The following MSANTD2 variants were observed in gnomAD, a reference collection of about 807,000 sequenced individuals.
MSANTD2 encodes myb/SANT-like DNA-binding domain-containing protein 2.
MSANTD2 carries 19 observed loss-of-function variants against 52.6 expected under a neutral mutation model. The observed-to-expected ratio is 0.36, with a 90% confidence interval of 0.25 to 0.53. MSANTD2 has a LOEUF of 0.53. MSANTD2 is among the 20% of genes least tolerant of loss of function. The probability of loss-of-function intolerance (pLI) is 0.91; values close to 1 mark genes in which losing one functional copy is unlikely to be tolerated. For missense variants in MSANTD2, 558 were observed against 716.3 expected (o/e 0.78, Z 2.52); for synonymous variants, 291 against 289.7 (o/e 1.00, Z -0.04).
intron 1 of MSANTD2, chr11:124,791,508 T>A: frequency 9.1e-7 from 1 of 1,100,356 alleles, no homozygotes; most frequent in Non-Finnish European, 1.4e-6. Context: ...GGGCAAGAGT[T>A]GGAGAAGGGA....
At chr11:124,795,648 T>C (rs952076129) in intron 1 of MSANTD2, among the ~76,000 whole-genome samples, 20 of 152,250 alleles carry the variant, frequency 1.3e-4, no homozygotes, top group African/African-American at 3.1e-4. Flanking sequence ...TTGGATTTTA[T>C]GCTCTTGGAC....
intron 1 of MSANTD2, among the ~76,000 whole-genome samples, chr11:124,782,451 T>C (rs1945014307): frequency 6.6e-6 from 1 of 151,992 alleles, no homozygotes; most frequent in East Asian, 1.9e-4. Flanking sequence ...GACCCCTGTC[T>C]CTAAAAAAAA....
At chr11:124,768,157 G>A (rs1944371553) in intron 3 of MSANTD2, 129 bp from the exon 4 acceptor site, 1 of 780,964 alleles carries the variant, frequency 1.3e-6, no homozygotes, top group African/African-American at 1.7e-5. Context: ...ATGAAATGTG[G>A]CTGAGGTATT....
In MSANTD2 at chr11:124,767,927, G is replaced by C; in HGVS notation, c.929C>G (p.Ser310Cys). 2 of 1,614,188 alleles carry C rather than the reference G, an allele frequency of 1.2e-6. No homozygotes were observed. The highest frequency in any genetic ancestry group is 1.7e-6 in the Non-Finnish European group (2 of 1,180,040). ...AATTCCAAAAATGGCCAGTTTATTA[G>C]AAAGATGGAGCCTTGAAAAGTCTGT... ...SWTDFSRLHL[S>C]NKLAIFGIGY... The change falls in exon 4 of 4, where the codon TCT becomes TGT. Residue 310 changes from serine to cysteine, a missense_variant. By Grantham distance (112) the Ser-to-Cys change is moderately radical. Transcript: ENST00000374979. This position sits in a 1 kb window ranked among gnomAD's most constrained non-coding sequence, Gnocchi z 6.5.
At chr11:124,770,067 A>C (rs1338590644) in intron 3 of MSANTD2, among the ~76,000 whole-genome samples, 2 of 152,212 alleles carry the variant, frequency 1.3e-5, no homozygotes, top group Non-Finnish European at 1.5e-5. Flanking sequence ...AATTCCTGAG[A>C]ACTGTCTGTT....
Position 124,800,022 on chromosome 11 carries a change from C to A in MSANTD2, c.359G>T (p.Arg120Leu). 1 of 1,583,026 alleles carries A rather than the reference C, an allele frequency of 6.3e-7. No homozygotes were observed. The change falls in exon 1 of 4, where the codon CGG becomes CTG. Residue 120 changes from arginine to leucine, a missense_variant. Physicochemically the swap from Arg to Leu is moderately radical, Grantham distance 102. Transcript: ENST00000374979. This position sits in a 1 kb window ranked among gnomAD's most constrained non-coding sequence, Gnocchi z 4.3. Reference sequence around the variant, plus strand: ...CTGCTGGTACCGCGCCTCCACCAGCCGCTCGTTGCCCCACACTGCGATGAG... The same window carrying A: ...CTGCTGGTACCGCGCCTCCACCAGCAGCTCGTTGCCCCACACTGCGATGAG... ...NALIAVWGNE[R>L]LVEARYQQLE...
intron 2 of MSANTD2, 180 bp from the exon 3 acceptor site, chr11:124,773,234 C>T (rs1489929138): frequency 6.5e-6 from 3 of 463,430 alleles, no homozygotes; most frequent in Admixed American, 4.0e-5. Context: ...GAGATGCATA[C>T]ATTTATATGT....
At chr11:124,782,285 T>TA (rs56183065) in intron 1 of MSANTD2, among the ~76,000 whole-genome samples, 44,767 of 141,202 alleles carry the variant, frequency 0.32, 9,610 homozygotes, top group African/African-American at 0.63. Context: ...TGTCTCTACT[T>TA]AAAAAAAAAA....
At chr11:124,797,518 A>G (rs1490734282) in intron 1 of MSANTD2, among the ~76,000 whole-genome samples, 2 of 151,890 alleles carry the variant, frequency 1.3e-5, no homozygotes, top group South Asian at 2.1e-4. Context: ...AACATAAAAC[A>G]AATTAAAAAA....
intron 1 of MSANTD2, chr11:124,784,545 C>T: frequency 1.0e-6 from 1 of 985,178 alleles, no homozygotes; most frequent in Non-Finnish European, 1.2e-6. Flanking sequence ...GTATTGCTTC[C>T]CAAATACGAA....
chr11:124,774,797 T>G lies in MSANTD2; in HGVS notation c.688A>C (p.Thr230Pro). The G allele has an allele frequency of 6.2e-7, 1 of 1,614,206 alleles. No individual in the cohort carries two copies. Among genetic ancestry groups the G allele is most frequent in the Non-Finnish European group, 8.5e-7 (1 of 1,180,028 alleles). The change falls in exon 2 of 4, where the codon ACT becomes CCT. Residue 230 changes from threonine to proline, a missense_variant. Thr to Pro is a conservative substitution (Grantham distance 38). This residue lies in a region of MSANTD2 where 408 missense variants were observed against 573.6 expected (regional missense o/e 0.71). Transcript: ENST00000374979. This position sits in a 1 kb window ranked among gnomAD's most constrained non-coding sequence, Gnocchi z 5.1. ...LYQELESDGS[T>P]MEDYSQEDWG... is the part of the protein sequence containing the mutation. ...TCCTCCTGTGAATAGTCCTCCATAG[T>G]GCTGCCATCTGACTCCAGCTCCTGG...
At chr11:124,796,595 C>T (rs553053024) in intron 1 of MSANTD2, among the ~76,000 whole-genome samples, 165 of 152,208 alleles carry the variant, frequency 1.1e-3, no homozygotes, top group African/African-American at 3.8e-3. Context: ...AACAGGGAAG[C>T]GCTACTGTAC....
Position 124,800,249 on chromosome 11 carries a change from A to T in MSANTD2, c.132T>A (p.Pro44=). 6.4e-7 allele frequency: 1 copy of T among 1,553,894 alleles called. No individual in the cohort carries two copies. The highest frequency in any genetic ancestry group is 8.7e-7 in the Non-Finnish European group (1 of 1,153,842). The part of the protein sequence containing the change: ...GNPSLSDPST[P]RGASPLGPGS... ...CCGGCCCGAGCGGGGAGGCACCCCGAGGCGTGGAAGGGTCGGACAGCGATG... is the reference window on the plus strand; with the variant it reads ...CCGGCCCGAGCGGGGAGGCACCCCGTGGCGTGGAAGGGTCGGACAGCGATG... Residue 44 remains proline, a synonymous_variant, in exon 1 of 4, where the codon CCT becomes CCA. Coordinates refer to ENST00000374979, the MANE Select transcript of MSANTD2 (RefSeq NM_001308027.2). This position sits in a 1 kb window ranked among gnomAD's most constrained non-coding sequence, Gnocchi z 4.3.
chr11:124,791,584 G>A (rs1173958041), intron 1 of MSANTD2: 29 of 1,415,884 alleles, frequency 2.0e-5, no homozygotes, highest in Admixed American at 3.5e-5. Flanking sequence ...GCCAGTCTCC[G>A]AGGAGTAAGC....
At chr11:124,776,179 C>A (rs967463540) in intron 1 of MSANTD2, 2 of 152,218 alleles carry the variant, frequency 1.3e-5, no homozygotes, top group Non-Finnish European at 2.9e-5. Flanking sequence ...GTAGGCACTG[C>A]CAGACTAAAT....
At chr11:124,798,234 TAAAAAAAAAAAAA>T (rs10601418) in intron 1 of MSANTD2, among the ~76,000 whole-genome samples, 2 of 110,530 alleles carry the variant, frequency 1.8e-5, no homozygotes, top group Non-Finnish European at 3.6e-5. Flanking sequence ...CCCTGTCTCT[TAAAAAAAAAAAAA>T]AAAAAAAAAA....
intron 1 of MSANTD2, among the ~76,000 whole-genome samples, chr11:124,782,408 C>T (rs961002248): frequency 6.6e-6 from 1 of 152,022 alleles, no homozygotes; most frequent in Admixed American, 6.6e-5. Context: ...GCCATGATCA[C>T]GCCACTGCAC....
At chr11:124,795,040 G>A (rs1435291993) in intron 1 of MSANTD2, among the ~76,000 whole-genome samples, 2 of 151,954 alleles carry the variant, frequency 1.3e-5, no homozygotes, top group Admixed American at 6.6e-5. Context: ...CACCACGCCC[G>A]GCTAATTTTT....
intron 3 of MSANTD2, among the ~76,000 whole-genome samples, chr11:124,770,850 A>C (rs1944492429): frequency 1.4e-5 from 2 of 145,168 alleles, no homozygotes; most frequent in South Asian, 4.3e-4. Flanking sequence ...CTCTTGCCTC[A>C]GCCTCCCAAG....
Sources: gnomAD v4.1 joint callset for allele counts (sites outside exome capture counted in the v4.1 genomes callset) on GRCh38, gnomAD v4.1.1 for gene constraint, gnomAD v4.1.1 regional missense constraint, Gnocchi (gnomAD v3.1) non-coding constraint, MANE v1.5 for transcripts, NCBI Gene and HGNC (gene_info 2026-07-23, HGNC 2026-07-21) for gene names.